Variants in CLSTN2 observed in about 807,000 individuals in gnomAD.
The protein encoded by CLSTN2 is calsyntenin 2.
CLSTN2 carries 48 observed loss-of-function variants against 101.2 expected under a neutral mutation model. The observed-to-expected ratio is 0.47, with a 90% CI of 0.38 to 0.60. CLSTN2 has a LOEUF of 0.60. Among genes scored for constraint, CLSTN2 ranks in the 20% least tolerant of loss-of-function variants. The pLI is 0.00. For synonymous variants in CLSTN2, 481 were observed against 463.6 expected (o/e 1.04, Z -0.48); for missense variants, 1,160 against 1,238.2 (o/e 0.94, Z 0.95).
At chr3:140,290,245 T>C (rs1372500243) in intron 2 of CLSTN2, among the ~76,000 whole-genome samples, 1 of 152,152 alleles carries the variant, frequency 6.6e-6, no homozygotes, top group Non-Finnish European at 1.5e-5. Context: ...AGTGAATAGT[T>C]TCCCTGAGTC....
chr3:140,013,616 C>T (rs1162766062), intron 1 of CLSTN2, among the ~76,000 whole-genome samples: 2 of 152,090 alleles, frequency 1.3e-5, no homozygotes, highest in Non-Finnish European at 2.9e-5. Context: ...ACAGAAAATC[C>T]AGTGCTTAGA....
intron 8 of CLSTN2, among the ~76,000 whole-genome samples, chr3:140,487,364 G>C (rs1470226185): frequency 6.6e-6 from 1 of 152,148 alleles, no homozygotes; most frequent in Non-Finnish European, 1.5e-5. Context: ...CCCTCAAGAG[G>C]TAAACCAGCT....
At chr3:140,196,118 G>A (rs868433540) in intron 2 of CLSTN2, among the ~76,000 whole-genome samples, 13 of 152,124 alleles carry the variant, frequency 8.5e-5, no homozygotes, top group Non-Finnish European at 1.3e-4. Context: ...TCGTGTTACC[G>A]AAGAAGAATG....
At chr3:140,521,530 T>C (rs349573) in intron 8 of CLSTN2, among the ~76,000 whole-genome samples, 152,080 of 152,272 alleles carry the variant, frequency 1, 75,944 homozygotes, top group Non-Finnish European at 1. Context: ...TGACCTGTTG[T>C]CAGCCAGAAC....
chr3:140,113,902 G>A (rs1259658390), intron 1 of CLSTN2, among the ~76,000 whole-genome samples: 1 of 152,190 alleles, frequency 6.6e-6, no homozygotes, highest in Non-Finnish European at 1.5e-5. Context: ...ATGTGAATAA[G>A]TGATATGTAG....
chr3:139,955,668 T>C (rs1935381884), intron 1 of CLSTN2, among the ~76,000 whole-genome samples: 1 of 7,602 alleles, frequency 1.3e-4, no homozygotes. Context: ...CGAAGTCATC[T>C]AGAGCTAGGC....
At chr3:140,121,939 T>C (rs886974786) in intron 1 of CLSTN2, among the ~76,000 whole-genome samples, 1 of 152,058 alleles carries the variant, frequency 6.6e-6, no homozygotes, top group Non-Finnish European at 1.5e-5. Flanking sequence ...GAAAACCAAT[T>C]CTCATTAAGT....
chr3:140,246,302 C>T (rs1180681272), intron 2 of CLSTN2, among the ~76,000 whole-genome samples: 1 of 152,116 alleles, frequency 6.6e-6, no homozygotes, highest in Non-Finnish European at 1.5e-5. Context: ...CATCTCCTGC[C>T]CCTTCAATCA....
intron 4 of CLSTN2, among the ~76,000 whole-genome samples, chr3:140,419,304 G>A (rs1488842608): frequency 2.7e-5 from 4 of 149,144 alleles, no homozygotes; most frequent in East Asian, 2.0e-4. Context: ...CCAACATGGC[G>A]AAACCCCATC....
chr3:140,417,640 G>A (rs1174668445), intron 4 of CLSTN2, among the ~76,000 whole-genome samples: 2 of 152,228 alleles, frequency 1.3e-5, no homozygotes, highest in Non-Finnish European at 2.9e-5. Flanking sequence ...ATAGCTCCAG[G>A]GACTTATGTT....
intron 1 of CLSTN2, among the ~76,000 whole-genome samples, chr3:140,168,126 A>T (rs2010161052): frequency 6.6e-6 from 1 of 152,228 alleles, no homozygotes; most frequent in African/African-American, 2.4e-5. Flanking sequence ...AAGTGACTGT[A>T]TTAGTCTTAC....
At chr3:140,031,386 G>T (rs925422417) in intron 1 of CLSTN2, among the ~76,000 whole-genome samples, 2 of 152,176 alleles carry the variant, frequency 1.3e-5, no homozygotes, top group Admixed American at 1.3e-4. Flanking sequence ...CTAAACCCTG[G>T]TAGCCGCTTG....
intron 4 of CLSTN2, among the ~76,000 whole-genome samples, chr3:140,420,332 AAATAT>A (rs2088486802): frequency 1.3e-5 from 2 of 152,190 alleles, no homozygotes; most frequent in Non-Finnish European, 2.9e-5. Context: ...ATTCTCAGCA[AAATAT>A]TTTAATCTAT....
intron 5 of CLSTN2, among the ~76,000 whole-genome samples, chr3:140,443,650 C>T: frequency 6.6e-6 from 1 of 152,186 alleles, no homozygotes; most frequent in Non-Finnish European, 1.5e-5. Flanking sequence ...ATAAAGTAGT[C>T]TCTAGGCCCC....
At chr3:140,231,629 C>T (rs9850890) in intron 2 of CLSTN2, among the ~76,000 whole-genome samples, 2 of 152,164 alleles carry the variant, frequency 1.3e-5, no homozygotes, top group East Asian at 1.9e-4. Flanking sequence ...CAAGTCTCCT[C>T]TATGATGTCA....
intron 2 of CLSTN2, among the ~76,000 whole-genome samples, chr3:140,257,264 G>T (rs1265915712): frequency 6.6e-6 from 1 of 152,032 alleles, no homozygotes; most frequent in Admixed American, 6.6e-5. Flanking sequence ...ATCATTTAGG[G>T]GATTAAATTT....
intron 2 of CLSTN2, among the ~76,000 whole-genome samples, chr3:140,213,118 T>C (rs1200909592): frequency 6.6e-6 from 1 of 152,214 alleles, no homozygotes; most frequent in East Asian, 1.9e-4. Context: ...GAACATGTTC[T>C]CCTTGTTTAA....
chr3:140,016,793 G>GAAAAAAAA (rs56040791), intron 1 of CLSTN2, among the ~76,000 whole-genome samples: 2 of 89,278 alleles, frequency 2.2e-5, no homozygotes, highest in Admixed American at 2.9e-4. Flanking sequence ...GTGAGACTCT[G>GAAAAAAAA]AAAAAAAAAA....
At chr3:139,949,602 C>T (rs1400353144) in intron 1 of CLSTN2, among the ~76,000 whole-genome samples, 2 of 152,298 alleles carry the variant, frequency 1.3e-5, no homozygotes, top group Middle Eastern at 3.4e-3. Flanking sequence ...TCATGAGCCT[C>T]TGCAGCAATT....
Sources: allele counts gnomAD v4.1 joint callset (sites outside exome capture counted in the v4.1 genomes callset), GRCh38; gene constraint gnomAD v4.1.1; transcripts MANE v1.5; gene names NCBI Gene and HGNC (gene_info 2026-07-23, HGNC 2026-07-21).